LTBP1: variants seen among roughly 807,000 people sequenced by gnomAD.
The protein encoded by LTBP1 is latent-transforming growth factor beta-binding protein 1.
LTBP1 carries 129 observed loss-of-function variants against 207.6 expected under a neutral mutation model. The observed-to-expected ratio is 0.62, with a 90% CI of 0.54 to 0.72. LTBP1 has a LOEUF of 0.72. LTBP1 is among the 30% of genes least tolerant of loss of function. The pLI is 0.00. For missense variants in LTBP1, 2,281 were observed against 2,217.2 expected (o/e 1.03, Z -0.58); for synonymous variants, 963 against 833.7 (o/e 1.16, Z -2.67).
At chr2:33,058,260 A>C (rs949035745) in intron 3 of LTBP1, among the ~76,000 whole-genome samples, 4 of 152,242 alleles carry the variant, frequency 2.6e-5, no homozygotes, top group Non-Finnish European at 2.9e-5. Context: ...GTTAGCATTA[A>C]AATTCAATTA....
chr2:33,386,868 TCAC>T (rs978848740), intron 31 of LTBP1, among the ~76,000 whole-genome samples: 7 of 144,554 alleles, frequency 4.8e-5, no homozygotes, highest in African/African-American at 1.6e-4. Context: ...TCTCGCTCTA[TCAC>T]CCAGGCTGGA....
chr2:32,951,486 G>A (rs533289527), intron 2 of LTBP1, among the ~76,000 whole-genome samples: 2 of 152,176 alleles, frequency 1.3e-5, no homozygotes, highest in South Asian at 4.1e-4. Context: ...TGGGACCACT[G>A]GGGCTCCTGC....
intron 26 of LTBP1, among the ~76,000 whole-genome samples, chr2:33,354,190 G>A (rs935473569): frequency 6.6e-5 from 10 of 152,142 alleles, no homozygotes; most frequent in South Asian, 4.2e-4. Context: ...TTAAAGGCAG[G>A]AAGCCACATG....
Position 33,153,203 on chromosome 2 carries a change from A to G in LTBP1, c.1201+18243A>G, listed in dbSNP as rs774803745. Among the ~76,000 whole-genome samples the G allele has an allele frequency of 3.3e-5, 5 of 152,336 alleles. No individual in the cohort carries two copies. In the South Asian group the frequency reaches 6.2e-4, roughly 19 times the overall value. ...ACTTTGAATCAAAGGATGATTTTGT[A>G]CAACTCCAGTGATACATTGTGTGGT... is the stretch of plus-strand genomic sequence containing the variant. On this transcript the variant is annotated intron_variant, in intron 5 of 33. Transcript: ENST00000404816.
chr2:33,134,894 A>G lies in LTBP1; in HGVS notation c.1135A>G (p.Thr379Ala). 1.9e-6 allele frequency: 3 copies of G among 1,614,010 alleles called. No homozygotes were observed. The highest frequency in any genetic ancestry group is 2.5e-6 in the Non-Finnish European group (3 of 1,179,974). ...TCAGAACAGCTGTGAGAAGGGGAAC[A>G]CCACCACTCTCATTAGTGAGAATGG... is the stretch of plus-strand genomic sequence containing the variant. Reference protein sequence around the residue: ...SCQNSCEKGNTTTLISENGHA... With the variant: ...SCQNSCEKGNATTLISENGHA... Residue 379 changes from threonine to alanine, a missense_variant, in exon 5 of 34, where the codon ACC (threonine) becomes GCC (alanine). Around this residue, in one of 3 missense-constraint regions of LTBP1, gnomAD observed 55 missense variants for 91.5 expected, o/e 0.60. Coordinates refer to ENST00000404816, the MANE Select transcript of LTBP1 (RefSeq NM_206943.4). The surrounding 1 kb of genome is among the most constrained non-coding windows in gnomAD (Gnocchi z 4.4).
intron 3 of LTBP1, among the ~76,000 whole-genome samples, chr2:33,056,811 G>A (rs1376944840): frequency 6.6e-6 from 1 of 152,054 alleles, no homozygotes; most frequent in African/African-American, 2.4e-5. Context: ...CTTCCACAGT[G>A]TGGAAGGGGA....
chr2:33,252,658 CT>C lies in LTBP1; in HGVS notation c.2000-16del. 1 of 1,596,484 alleles carries C rather than the reference CT, an allele frequency of 6.3e-7. No individual in the cohort carries two copies. The highest frequency in any genetic ancestry group is 8.6e-7 in the Non-Finnish European group (1 of 1,167,778). On this transcript the variant is annotated intron_variant, in intron 10 of 33. Coordinates refer to ENST00000404816, the MANE Select transcript of LTBP1 (RefSeq NM_206943.4). ...TTTTGGTTTCTCATGTAATGTCGGG[CT>C]TTATCTCTCTGCTTCAGCTGATCCC...
chr2:32,947,143 G>C lies in LTBP1; in HGVS notation c.-182G>C, dbSNP rs989653901. ...TCCTGCTCCCAGCCACAATCGGCCGGGGTCTGGGGCCGCTCAGCTGCCCGC... is the reference window on the plus strand; with the variant it reads ...TCCTGCTCCCAGCCACAATCGGCCGCGGTCTGGGGCCGCTCAGCTGCCCGC... On this transcript the variant is annotated 5_prime_UTR_variant, in exon 1 of 34. Coordinates refer to ENST00000404816, the MANE Select transcript of LTBP1 (RefSeq NM_206943.4). 8 of 378,114 alleles carry C rather than the reference G, an allele frequency of 2.1e-5. No homozygotes were observed. Among genetic ancestry groups the C allele is most frequent in the Admixed American group, 4.7e-5 (1 of 21,138 alleles). The allele number at this position is 378,114 out of a possible 1,614,324, so 23.4% of individuals were successfully genotyped here. A position where few individuals can be genotyped will look rare whatever the true frequency, so the allele number is the denominator to read the frequency against.
At chr2:33,170,582 G>C (rs1053598205) in intron 5 of LTBP1, among the ~76,000 whole-genome samples, 4 of 152,220 alleles carry the variant, frequency 2.6e-5, no homozygotes, top group African/African-American at 9.6e-5. Flanking sequence ...TGGGGGCAGG[G>C]CACAGACAAA....
At position 33,021,238 on chromosome 2, in the gene LTBP1, A is replaced by T. The variant is rs375462782; in HGVS notation, c.863+32A>T. 7 of 1,542,958 alleles carry T rather than the reference A, an allele frequency of 4.5e-6. No homozygotes were observed. In the African/African-American group the frequency reaches 9.5e-5, roughly 21 times the overall value. On this transcript the variant is annotated intron_variant, in intron 3 of 33. Transcript: ENST00000404816. The stretch of plus-strand genomic sequence containing the variant: ...GTTTCGAACTTTCATTTAGCTAAGG[A>T]TCATCTTAATTACTCTCTTGGATGC...
chr2:33,173,024 T>C (rs558939051), intron 5 of LTBP1, among the ~76,000 whole-genome samples: 2 of 152,266 alleles, frequency 1.3e-5, no homozygotes, highest in East Asian at 3.9e-4. Flanking sequence ...GGGAAATTTA[T>C]AGCACTAAAT....
At chr2:32,983,141 G>A (rs1683023955) in intron 2 of LTBP1, among the ~76,000 whole-genome samples, 1 of 152,110 alleles carries the variant, frequency 6.6e-6, no homozygotes, top group African/African-American at 2.4e-5. Flanking sequence ...GGCTGTGGGA[G>A]CCCATCTCTT....
chr2:32,969,229 T>TGTGTGTGTGTG (rs575035380), intron 2 of LTBP1, among the ~76,000 whole-genome samples: 51 of 131,712 alleles, frequency 3.9e-4, no homozygotes, highest in African/African-American at 9.9e-4. Context: ...CCTGGCCAAT[T>TGTGTGTGTGTG]TGTGTGTGTG....
At position 33,217,533 on chromosome 2, in the gene LTBP1, TCA is replaced by T; in HGVS notation, c.1702-15_1702-14del. The T allele has an allele frequency of 6.3e-7, 1 of 1,585,426 alleles. No homozygotes were observed. Among genetic ancestry groups the T allele is most frequent in the Non-Finnish European group, 8.7e-7 (1 of 1,154,308 alleles). ...CCTGCACTCAATTAACCTTCATATT[TCA>T]CACCTAATCATTGCAGTGTGGCAAA... On this transcript the variant is annotated splice_polypyrimidine_tract_variant and intron_variant, in intron 7 of 33. Transcript: ENST00000404816.
intron 26 of LTBP1, among the ~76,000 whole-genome samples, chr2:33,360,050 C>G (rs2094909076): frequency 6.6e-6 from 1 of 152,142 alleles, no homozygotes; most frequent in Non-Finnish European, 1.5e-5. Flanking sequence ...ATATTTGCAA[C>G]AATTTAAGTA....
intron 5 of LTBP1, among the ~76,000 whole-genome samples, chr2:33,178,891 A>C (rs921184338): frequency 2.6e-5 from 4 of 152,072 alleles, no homozygotes; most frequent in African/African-American, 7.2e-5. Flanking sequence ...ATCTTCTGGC[A>C]TGCTTTATTT....
At position 33,188,713 on chromosome 2, in the gene LTBP1, C is replaced by G; in HGVS notation, c.1563C>G (p.Val521=). 3 of 1,614,160 alleles carry G rather than the reference C, an allele frequency of 1.9e-6. No individual in the cohort carries two copies. Among genetic ancestry groups the G allele is most frequent in the Non-Finnish European group, 2.5e-6 (3 of 1,180,026 alleles). ...TKEAQPGQSQ[V]SYQGLPVQKT... The stretch of plus-strand genomic sequence containing the variant: ...AAGCTCAACCAGGCCAATCCCAAGT[C>G]TCGTACCAAGGGCTTCCTGTCCAGA... The change falls in exon 7 of 34, where the codon GTC becomes GTG. Residue 521 remains valine (V), a synonymous_variant. Coordinates refer to ENST00000404816, the MANE Select transcript of LTBP1 (RefSeq NM_206943.4).
chr2:33,090,255 G>A (rs2150012793), intron 3 of LTBP1, among the ~76,000 whole-genome samples: 1 of 152,306 alleles, frequency 6.6e-6, no homozygotes, highest in South Asian at 2.1e-4. Flanking sequence ...TATTCTTTGT[G>A]TTTATTATCA....
intron 3 of LTBP1, among the ~76,000 whole-genome samples, chr2:33,037,641 TC>T (rs2075988979): frequency 6.6e-6 from 1 of 152,230 alleles, no homozygotes; most frequent in South Asian, 2.1e-4. Context: ...CTGGCTTGTT[TC>T]CTTGTTCATT....
Sources: gnomAD v4.1 joint callset for allele counts (sites outside exome capture counted in the v4.1 genomes callset) on GRCh38, gnomAD v4.1.1 for gene constraint, gnomAD v4.1.1 regional missense constraint, Gnocchi (gnomAD v3.1) non-coding constraint, MANE v1.5 for transcripts, NCBI Gene and HGNC (gene_info 2026-07-23, HGNC 2026-07-21) for gene names.